Variants in RIOK1 observed in about 807,000 individuals in gnomAD.
RIOK1 encodes RIO kinase 1.
Under a neutral mutation model 73.5 loss-of-function variants are expected in RIOK1, and 66 were observed. The ratio of observed to expected loss-of-function variants is 0.90; its 90% confidence interval spans 0.74 to 1.10. RIOK1 has a LOEUF of 1.10. RIOK1 is among the 50% of genes least tolerant of loss of function. The pLI is 0.00. For missense variants in RIOK1, 658 were observed against 699.8 expected (o/e 0.94, Z 0.67); for synonymous variants, 224 against 226.8 (o/e 0.99, Z 0.11).
intron 4 of RIOK1, among the ~76,000 whole-genome samples, chr6:7,397,753 T>G (rs1411904804): frequency 6.6e-6 from 1 of 152,232 alleles, no homozygotes; most frequent in Non-Finnish European, 1.5e-5. Flanking sequence ...GTTTAAACCT[T>G]TATTAGTTTA....
At chr6:7,410,304 C>A in intron 12 of RIOK1, 82 bp from the exon 13 acceptor site, 3 of 963,230 alleles carry the variant, frequency 3.1e-6, no homozygotes, top group South Asian at 1.4e-5. Context: ...AAGACTGGAA[C>A]AATTTTATAC....
Position 7,411,432 on chromosome 6 carries a change from T to G in RIOK1, c.1370T>G (p.Met457Arg). 2.5e-6 allele frequency: 4 copies of G among 1,614,044 alleles called. No individual in the cohort carries two copies. Among genetic ancestry groups the G allele is most frequent in the Non-Finnish European group, 3.4e-6 (4 of 1,179,940 alleles). The stretch of plus-strand genomic sequence containing the variant: ...AAATTGAAGGAAGAGGACATGGCCA[T>G]GAATGCCCAACAAGATAATGTAAGT... ...IMKLKEEDMA[M>R]NAQQDNILYQ... Residue 457 changes from methionine (M) to arginine (R), a missense_variant, in exon 14 of 17, where the codon ATG becomes AGG. Physicochemically the swap from Met to Arg is moderately conservative, Grantham distance 91. Coordinates refer to ENST00000379834, the MANE Select transcript of RIOK1 (RefSeq NM_031480.3).
At chr6:7,403,072 T>A (rs1484315072) in intron 8 of RIOK1, among the ~76,000 whole-genome samples, 175 bp downstream of exon 8, 1 of 152,246 alleles carries the variant, frequency 6.6e-6, no homozygotes, top group Non-Finnish European at 1.5e-5. Flanking sequence ...AAATAGAGAT[T>A]GTTTCCTATT....
intron 6 of RIOK1, 40 bp from the exon 7 acceptor site, chr6:7,402,556 GTTATTTA>G (rs769004104): frequency 2.9e-6 from 4 of 1,391,942 alleles, no homozygotes. Context: ...TGAAAAAGTG[GTTATTTA>G]ACATAAACTT....
intron 2 of RIOK1, among the ~76,000 whole-genome samples, chr6:7,394,623 T>C (rs1761426954): frequency 6.6e-6 from 1 of 152,248 alleles, no homozygotes; most frequent in Admixed American, 6.5e-5. Context: ...GCGTAAGTGC[T>C]GAGCCTCGTA....
chr6:7,394,511 G>A (rs1484132570), intron 2 of RIOK1, among the ~76,000 whole-genome samples: 3 of 152,192 alleles, frequency 2.0e-5, no homozygotes, highest in African/African-American at 2.4e-5. Flanking sequence ...TGTGAGTGAC[G>A]ACAAATTTTG....
At chr6:7,416,971 C>T (rs1762020152) in intron 16 of RIOK1, among the ~76,000 whole-genome samples, 1 of 151,046 alleles carries the variant, frequency 6.6e-6, no homozygotes, top group African/African-American at 2.4e-5. Flanking sequence ...CAGGTGGGTG[C>T]AGTGGCTCAT....
chr6:7,402,664 C>T lies in RIOK1; in HGVS notation c.635C>T (p.Thr212Ile). 6.2e-7 allele frequency: 1 copy of T among 1,612,548 alleles called. No homozygotes were observed. Among genetic ancestry groups the T allele is most frequent in the Non-Finnish European group, 8.5e-7 (1 of 1,179,064 alleles). The change falls in exon 7 of 17, where the codon ACT becomes ATT. Residue 212 changes from threonine to isoleucine, a missense_variant. Thr to Ile is a moderately conservative substitution (Grantham distance 89, BLOSUM62 -1). Coordinates refer to ENST00000379834, the MANE Select transcript of RIOK1 (RefSeq NM_031480.3). ...AGCAGAGCAATCAAAATTTATAAAA[C>T]TTCTATTTTGGTGTTCAAAGATCGG... Reference protein sequence around the residue: ...GESRAIKIYKTSILVFKDRDK... With the variant: ...GESRAIKIYKISILVFKDRDK...
chr6:7,410,567 T>C, intron 13 of RIOK1, 116 bp downstream of exon 13: 5 of 657,424 alleles, frequency 7.6e-6, no homozygotes, highest in South Asian at 1.9e-5. Flanking sequence ...TTTCAAATGA[T>C]GGTAATATTT....
intron 9 of RIOK1, 108 bp from the exon 10 acceptor site, chr6:7,404,310 C>A: frequency 7.8e-7 from 1 of 1,288,794 alleles, no homozygotes. Context: ...CAGATTGTCC[C>A]ACATACAGCT....
Position 7,402,898 on chromosome 6 carries a change from G to C in RIOK1, c.767+1G>C. On this transcript the variant is annotated splice_donor_variant, in intron 8 of 16. Transcript: ENST00000379834. LOFTEE classifies it high-confidence loss of function. ...AAAAAGAAATGAGGAACTTAATCAG[G>C]TGACTGTCTGGGATGTGTGTATGTC... 1 of 1,613,294 alleles carries C rather than the reference G, an allele frequency of 6.2e-7. No homozygotes were observed. Among genetic ancestry groups the C allele is most frequent in the African/African-American group, 1.3e-5 (1 of 75,030 alleles).
intron 14 of RIOK1, among the ~76,000 whole-genome samples, chr6:7,412,087 G>A (rs1036282131): frequency 2.6e-5 from 4 of 152,208 alleles, no homozygotes; most frequent in Admixed American, 6.5e-5. Flanking sequence ...TAGGCTGGGC[G>A]CAGTGGCTCA....
chr6:7,411,932 A>G (rs147825547), intron 14 of RIOK1, among the ~76,000 whole-genome samples: 428 of 152,376 alleles, frequency 2.8e-3, no homozygotes, highest in African/African-American at 9.7e-3. Flanking sequence ...TAATAGTTGA[A>G]TACACTTTTG....
chr6:7,393,759 A>C (rs1761400509), intron 2 of RIOK1, among the ~76,000 whole-genome samples: 1 of 152,232 alleles, frequency 6.6e-6, no homozygotes. Flanking sequence ...TGTGATAAAA[A>C]CTTTAAAAGC....
intron 1 of RIOK1, 40 bp from the exon 2 acceptor site, chr6:7,393,059 G>GAAATATTGTTATGAAATAATA (rs1269143714): frequency 6.4e-7 from 1 of 1,567,322 alleles, no homozygotes; most frequent in Admixed American, 1.7e-5. Context: ...AGGGTATGTG[G>GAAATATTGTTATGAAATAATA]AAATATTGTT....
At chr6:7,398,633 T>C in intron 4 of RIOK1, 65 bp from the exon 5 acceptor site, 1 of 1,189,720 alleles carries the variant, frequency 8.4e-7, no homozygotes, top group Non-Finnish European at 1.2e-6. Flanking sequence ...TTATCTACAT[T>C]TAGAAGATTT....
At chr6:7,391,575 T>G (rs962036650) in intron 1 of RIOK1, among the ~76,000 whole-genome samples, 1 of 152,184 alleles carries the variant, frequency 6.6e-6, no homozygotes, top group African/African-American at 2.4e-5. Context: ...GGGCACTAAT[T>G]TACCATCCAC....
At position 7,390,079 on chromosome 6, in the gene RIOK1, C is replaced by A. The variant is rs530610101; in HGVS notation, c.71+6C>A. The A allele has an allele frequency of 5.7e-5, 88 of 1,556,376 alleles. No individual in the cohort carries two copies. The South Asian group carries it at 8.9e-4, about 16-fold the overall frequency. On this transcript the variant is annotated splice_donor_region_variant and intron_variant, in intron 1 of 16. Transcript: ENST00000379834. ...GACGCGGACTCCTCTGACAGGTAGG[C>A]GGCCGTACAGTGCCCTGGCTCTGGG...
Position 7,417,524 on chromosome 6 carries a change from A to C in RIOK1, c.*83A>C. 1 of 828,304 alleles carries C rather than the reference A, an allele frequency of 1.2e-6. No individual in the cohort carries two copies. Among genetic ancestry groups the C allele is most frequent in the Non-Finnish European group, 1.9e-6 (1 of 533,060 alleles). The allele number at this position is 828,304 out of a possible 1,614,324, so 51.3% of individuals were successfully genotyped here. ...TTAAGCTGCATCTGGAAGATGGCTT[A>C]TTGGTTTTAACCAGATTGTCATCGT... On this transcript the variant is annotated 3_prime_UTR_variant, in exon 17 of 17. Coordinates refer to ENST00000379834, the MANE Select transcript of RIOK1 (RefSeq NM_031480.3).
Sources: allele counts gnomAD v4.1 joint callset (sites outside exome capture counted in the v4.1 genomes callset), GRCh38; gene constraint gnomAD v4.1.1; transcripts MANE v1.5; gene names NCBI Gene and HGNC (gene_info 2026-07-23, HGNC 2026-07-21).